Variants in NSUN6 observed in about 807,000 individuals in gnomAD.
NSUN6 encodes the protein NOP2/Sun RNA methyltransferase 6, also known as tRNA (cytosine(72)-C(5))-methyltransferase NSUN6.
NSUN6 carries 64 observed loss-of-function variants against 58.0 expected under a neutral mutation model. The observed-to-expected ratio is 1.10, with a 90% CI of 0.90 to 1.36. The LOEUF is 1.36. Ranked by LOEUF, NSUN6 falls within the 40% of genes most tolerant of loss-of-function variation. The probability of loss-of-function intolerance (pLI) is 0.00; values close to 1 mark genes in which losing one functional copy is unlikely to be tolerated. For missense variants in NSUN6, 701 were observed against 550.1 expected, an observed-to-expected ratio of 1.27 and a Z score of -2.74; for synonymous variants, 231 against 193.9, an observed-to-expected ratio of 1.19 and a Z score of -1.59.
chr10:18,609,760 T>C (rs2058166677), intron 6 of NSUN6, 85 bp downstream of exon 6: 2 of 828,208 alleles, frequency 2.4e-6, no homozygotes, highest in Non-Finnish European at 2.0e-6. Flanking sequence ...GAAAAAATCT[T>C]AAATTTTAAA....
chr10:18,597,000 T>C (rs2057615225), intron 6 of NSUN6, among the ~76,000 whole-genome samples: 1 of 152,170 alleles, frequency 6.6e-6, no homozygotes, highest in African/African-American at 2.4e-5. Flanking sequence ...AAGGCATGTT[T>C]GGGTCCCTGC....
At chr10:18,556,839 C>CAAGGGAATGGAATGGAGGAAGG (rs1277078604) in intron 8 of NSUN6, among the ~76,000 whole-genome samples, 2 of 129,870 alleles carry the variant, frequency 1.5e-5, no homozygotes. Flanking sequence ...ATGGAGAATG[C>CAAGGGAATGGAATGGAGGAAGG]AAGGGAATGG....
chr10:18,550,744 T>TTTTTA (rs2054548404), intron 9 of NSUN6, among the ~76,000 whole-genome samples: 1 of 122,578 alleles, frequency 8.2e-6, no homozygotes, highest in Non-Finnish European at 1.7e-5. Flanking sequence ...TTTTTTTTTT[T>TTTTTA]GAGACAATCT....
At chr10:18,636,473 C>A (rs2131526290) in intron 3 of NSUN6, among the ~76,000 whole-genome samples, 1 of 151,556 alleles carries the variant, frequency 6.6e-6, no homozygotes, top group Non-Finnish European at 1.5e-5. Flanking sequence ...CCAGCCTGGG[C>A]AGCACAGCAA....
chr10:18,638,343 G>A (rs1159432220), intron 3 of NSUN6, among the ~76,000 whole-genome samples: 22 of 152,180 alleles, frequency 1.4e-4, no homozygotes, highest in Non-Finnish European at 2.9e-5. Context: ...TCGGGAGCAT[G>A]AGGCAGGAGA....
rs150157428 is a variant in NSUN6 at position 18,568,830 on chromosome 10, C to A, written c.923-16859G>T. On this transcript the variant is annotated intron_variant, in intron 8 of 10. Transcript: ENST00000377304. ...TTCCATTCCGTTCTCCATTCCATTC[C>A]ATTCTCTATTCCATTCTACATTCAA... Among the ~76,000 whole-genome samples the A allele has an allele frequency of 9.0e-3, 1,229 of 136,400 alleles. 21 individuals are homozygous for A. Among genetic ancestry groups the A allele is most frequent in the African/African-American group, 0.032 (1,179 of 36,360 alleles). The allele number at this position is 136,400 out of a possible 152,430, so 89.5% of individuals were successfully genotyped here. A position where few individuals can be genotyped will look rare whatever the true frequency, so the allele number is the denominator to read the frequency against.
Position 18,545,890 on chromosome 10 carries a change from A to C in NSUN6, c.*43T>G. On this transcript the variant is annotated 3_prime_UTR_variant, in exon 11 of 11. Transcript: ENST00000377304. ...GGTTAAAAAAAAAAAAACCACAGAC[A>C]GCAAATGTTTGGAATTTTCATTTCT... The C allele has an allele frequency of 8.4e-6, 8 of 955,482 alleles. No homozygotes were observed. Among genetic ancestry groups the C allele is most frequent in the South Asian group, 1.4e-5 (1 of 70,522 alleles). 59.2% of individuals were successfully genotyped at this position (955,482 alleles called of 1,614,324 possible).
At chr10:18,550,421 A>T (rs6482516) in intron 9 of NSUN6, among the ~76,000 whole-genome samples, 1 of 152,060 alleles carries the variant, frequency 6.6e-6, no homozygotes, top group African/African-American at 2.4e-5. Flanking sequence ...CAGCTTTAGA[A>T]ACTAAATCAT....
intron 3 of NSUN6, among the ~76,000 whole-genome samples, chr10:18,636,257 A>AT (rs1336497944): frequency 6.6e-6 from 1 of 151,992 alleles, no homozygotes; most frequent in Non-Finnish European, 1.5e-5. Flanking sequence ...ATTAATAAAG[A>AT]TAAGAAATGA....
At chr10:18,585,270 A>G (rs1003744171) in intron 8 of NSUN6, among the ~76,000 whole-genome samples, 1 of 152,174 alleles carries the variant, frequency 6.6e-6, no homozygotes, top group Non-Finnish European at 1.5e-5. Flanking sequence ...GTTCTTCAAA[A>G]GTAAATAGAA....
chr10:18,645,486 A>G (rs1227829279), intron 2 of NSUN6, among the ~76,000 whole-genome samples: 1 of 152,208 alleles, frequency 6.6e-6, no homozygotes, highest in Non-Finnish European at 1.5e-5. Context: ...ATTTGAAACA[A>G]TACGTAGCAT....
At chr10:18,644,256 T>C (rs958990775) in intron 2 of NSUN6, among the ~76,000 whole-genome samples, 1 of 152,138 alleles carries the variant, frequency 6.6e-6, no homozygotes, top group African/African-American at 2.4e-5. Flanking sequence ...AAACCAAGCA[T>C]CCCTAGTCTA....
intron 3 of NSUN6, among the ~76,000 whole-genome samples, chr10:18,632,929 T>A (rs780776377): frequency 9.2e-5 from 14 of 152,130 alleles, no homozygotes; most frequent in Non-Finnish European, 1.3e-4. Flanking sequence ...GGACTATAAA[T>A]CATGCTGCTA....
In NSUN6 at chr10:18,616,208, G is replaced by C; in HGVS notation, c.397C>G (p.Pro133Ala). 1.3e-6 allele frequency: 2 copies of C among 1,586,508 alleles called. No individual in the cohort carries two copies. Among genetic ancestry groups the C allele is most frequent in the Non-Finnish European group, 1.7e-6 (2 of 1,155,098 alleles). ...CATTGTGATGCTGACACAATTCCTG[G>C]GGCATAGACATGGGCTCCTCTTAAA... Reference protein sequence around the residue: ...AVLRGAHVYAPGIVSASQFMK... With the variant: ...AVLRGAHVYAAGIVSASQFMK... The change falls in exon 4 of 11, where the codon CCA becomes GCA. Residue 133 changes from proline to alanine, a missense_variant. Transcript: ENST00000377304.
At chr10:18,547,146 A>C (rs1692328136) in intron 10 of NSUN6, among the ~76,000 whole-genome samples, 1 of 152,294 alleles carries the variant, frequency 6.6e-6, no homozygotes. Context: ...GTTTAGAGGA[A>C]TCATAAGGCA....
In NSUN6 at chr10:18,570,696, C is replaced by T. The variant is rs578031460; in HGVS notation, c.922+15253G>A. Among the ~76,000 whole-genome samples, 26 of 98,426 alleles carry T rather than the reference C, an allele frequency of 2.6e-4. 1 individual carries two copies. The South Asian group carries it at 0.01, about 39-fold the overall frequency. 64.6% of individuals were successfully genotyped at this position (98,426 alleles called of 152,430 possible). On this transcript the variant is annotated intron_variant, in intron 8 of 10. Transcript: ENST00000377304. ...TCTCCATTCCATTTCATGCTCCATT[C>T]CATTCCATTCTCTATTCCATTCCAT...
At chr10:18,639,475 C>A (rs116162507) in intron 3 of NSUN6, among the ~76,000 whole-genome samples, 1 of 152,050 alleles carries the variant, frequency 6.6e-6, no homozygotes, top group Non-Finnish European at 1.5e-5. Context: ...GCCGGGGTGA[C>A]AGACTTGAGA....
At chr10:18,653,860 A>G (rs1227338682), upstream of NSUN6, among the ~76,000 whole-genome samples, 1 of 152,222 alleles carries the variant, frequency 6.6e-6, no homozygotes, top group Non-Finnish European at 1.5e-5. Context: ...TATTTAGGCT[A>G]CAAGTTCTTC....
At chr10:18,635,721 C>T (rs1266617508) in intron 3 of NSUN6, among the ~76,000 whole-genome samples, 8 of 151,500 alleles carry the variant, frequency 5.3e-5, no homozygotes, top group Non-Finnish European at 1.0e-4. Context: ...ACCTGTAATC[C>T]CAGCTACTCG....
Sources: gnomAD v4.1 joint callset for allele counts (sites outside exome capture counted in the v4.1 genomes callset) on GRCh38, gnomAD v4.1.1 for gene constraint, MANE v1.5 for transcripts, NCBI Gene and HGNC (gene_info 2026-07-23, HGNC 2026-07-21) for gene names.